The following TXNRD2 variants were observed in gnomAD, a reference collection of about 807,000 sequenced individuals.
TXNRD2 encodes the protein thioredoxin reductase 2, mitochondrial.
A neutral mutation model predicts 70.8 loss-of-function variants in TXNRD2; 67 were observed. The observed-to-expected ratio is 0.95, with a 90% CI of 0.78 to 1.16. The LOEUF (loss-of-function observed/expected upper bound fraction) is 1.16. Ranked by LOEUF, TXNRD2 falls within the 50% of genes most tolerant of loss-of-function variation. The pLI is 0.00. For synonymous variants in TXNRD2, 301 were observed against 295.8 expected, an observed-to-expected ratio of 1.02 and a Z score of -0.18; for missense variants, 644 against 719.9, an observed-to-expected ratio of 0.89 and a Z score of 1.21.
intron 8 of TXNRD2, among the ~76,000 whole-genome samples, chr22:19,905,492 C>G (rs1037364419): frequency 6.6e-6 from 1 of 152,274 alleles, no homozygotes; most frequent in East Asian, 1.9e-4. Flanking sequence ...ACAGCAAGGC[C>G]AGGGCACCCA....
chr22:19,898,965 C>G, intron 9 of TXNRD2, 84 bp downstream of exon 9: 4 of 1,565,262 alleles, frequency 2.6e-6, no homozygotes, highest in Non-Finnish European at 3.5e-6. Flanking sequence ...AAAGAGCCTG[C>G]CGGAAGGGCG....
intron 9 of TXNRD2, 150 bp from the exon 10 acceptor site, chr22:19,898,280 C>T: frequency 4.0e-6 from 3 of 753,772 alleles, no homozygotes; most frequent in Non-Finnish European, 6.8e-6. Flanking sequence ...CTCCACATCT[C>T]AAGTGCACAG....
At chr22:19,925,200 C>T (rs1221167488) in intron 2 of TXNRD2, among the ~76,000 whole-genome samples, 5 of 151,802 alleles carry the variant, frequency 3.3e-5, no homozygotes, top group African/African-American at 4.9e-5. Flanking sequence ...AGGAGAATGG[C>T]GCAAACCCGG....
chr22:19,879,792 A>G (rs748114539), intron 14 of TXNRD2, among the ~76,000 whole-genome samples: 19 of 152,044 alleles, frequency 1.2e-4, no homozygotes, highest in Non-Finnish European at 1.5e-4. Flanking sequence ...AGCTGACCTC[A>G]GCAGGGGAGC....
chr22:19,901,294 C>T (rs1939767864), intron 8 of TXNRD2, among the ~76,000 whole-genome samples: 3 of 152,202 alleles, frequency 2.0e-5, no homozygotes, highest in South Asian at 4.1e-4. Flanking sequence ...GAGAAGCTCC[C>T]GCCTCAAGGG....
chr22:19,899,449 C>T (rs1392488724), intron 8 of TXNRD2, among the ~76,000 whole-genome samples: 1 of 152,228 alleles, frequency 6.6e-6, no homozygotes, highest in Admixed American at 6.5e-5. Flanking sequence ...CACCAGACCG[C>T]AAGGGAAGAC....
intron 8 of TXNRD2, among the ~76,000 whole-genome samples, chr22:19,907,260 TGGGTA>T (rs1940085645): frequency 1.9e-5 from 1 of 51,846 alleles, no homozygotes; most frequent in African/African-American, 8.0e-5. Flanking sequence ...GTGGGCGCCG[TGGGTA>T]GCAGTGACCG....
chr22:19,890,993 G>A (rs952267328), intron 11 of TXNRD2, among the ~76,000 whole-genome samples: 2 of 152,168 alleles, frequency 1.3e-5, no homozygotes, highest in African/African-American at 2.4e-5. Context: ...CGTGCCACGT[G>A]GGGGAGACTA....
intron 11 of TXNRD2, among the ~76,000 whole-genome samples, chr22:19,890,564 C>T (rs1477988860): frequency 1.3e-5 from 2 of 152,070 alleles, no homozygotes; most frequent in African/African-American, 4.8e-5. Flanking sequence ...ATGGGCCCAC[C>T]GCAGCCCCCT....
intron 9 of TXNRD2, 96 bp downstream of exon 9, chr22:19,898,953 G>T: frequency 6.6e-7 from 1 of 1,516,706 alleles, no homozygotes; most frequent in Non-Finnish European, 9.0e-7. Flanking sequence ...ATCTGAGGCA[G>T]CAAAGAGCCT....
rs1365075308 is a variant in TXNRD2, at chr22:19,887,667, A to AC, written c.950-4207dup. 2.6e-5 allele frequency: 4 copies of AC among 152,206 alleles called. No homozygotes were observed. The East Asian group carries it at 7.7e-4, about 29-fold the overall frequency. 9.4% of individuals were successfully genotyped at this position (152,206 alleles called of 1,614,324 possible). On this transcript the variant is annotated intron_variant, in intron 11 of 17. Coordinates refer to ENST00000400521, the MANE Select transcript of TXNRD2 (RefSeq NM_006440.5). ...GGCCTTTGAGAACTACACCGCAGTC[A>AC]CCTCCCCTAGCCCGGAAACCAGGAA...
At chr22:19,904,772 A>G (rs950511806) in intron 8 of TXNRD2, among the ~76,000 whole-genome samples, 1 of 152,144 alleles carries the variant, frequency 6.6e-6, no homozygotes, top group Non-Finnish European at 1.5e-5. Context: ...TGCCCACTGC[A>G]GGAGGGGCAC....
chr22:19,890,316 G>A (rs951383917), intron 11 of TXNRD2, among the ~76,000 whole-genome samples: 1 of 152,206 alleles, frequency 6.6e-6, no homozygotes, highest in Non-Finnish European at 1.5e-5. Context: ...AGGCAGATTT[G>A]GGTCTCTCTT....
intron 11 of TXNRD2, chr22:19,894,044 A>G (rs1267756881): frequency 6.6e-6 from 1 of 152,306 alleles, no homozygotes; most frequent in Admixed American, 6.5e-5. Flanking sequence ...ATGGACACAC[A>G]TACAACTCAG....
intron 3 of TXNRD2, among the ~76,000 whole-genome samples, chr22:19,919,342 C>G (rs1034515671): frequency 6.7e-6 from 1 of 149,680 alleles, no homozygotes; most frequent in Non-Finnish European, 1.5e-5. Flanking sequence ...TGAGTACAGG[C>G]GTGAGCAACT....
In TXNRD2 at chr22:19,932,502, TGGAG is replaced by T. The variant is rs1029200164; in HGVS notation, c.104-1408_104-1405del. 8 of 1,583,088 alleles carry T rather than the reference TGGAG, an allele frequency of 5.1e-6. No individual in the cohort carries two copies. The African/African-American group carries it at 9.4e-5, about 19-fold the overall frequency. On this transcript the variant is annotated intron_variant, in intron 1 of 17. Coordinates refer to ENST00000400521, the MANE Select transcript of TXNRD2 (RefSeq NM_006440.5). Reference sequence around the variant, plus strand: ...AAAAAGGGAGGGATGGAGAAGGGACTGGAGGGAGGAAGTAGAGAGGGGAAGTACA... The same window carrying T: ...AAAAAGGGAGGGATGGAGAAGGGACTGGAGGAAGTAGAGAGGGGAAGTACA...
chr22:19,934,390 A>AAAAAC (rs1941470212), intron 1 of TXNRD2, among the ~76,000 whole-genome samples: 1 of 150,926 alleles, frequency 6.6e-6, no homozygotes, highest in Non-Finnish European at 1.5e-5. Context: ...CAGAAAAAAA[A>AAAAAC]AAAAAAAAAA....
intron 2 of TXNRD2, among the ~76,000 whole-genome samples, chr22:19,923,456 C>A (rs1940993026): frequency 1.3e-5 from 2 of 152,220 alleles, no homozygotes; most frequent in Admixed American, 1.3e-4. Flanking sequence ...GCTGTATCAG[C>A]CTTGAACTCG....
intron 5 of TXNRD2, among the ~76,000 whole-genome samples, chr22:19,917,594 C>T (rs145701783): frequency 0.011 from 1,676 of 152,272 alleles, 20 homozygotes; most frequent in Middle Eastern, 0.02. Flanking sequence ...GTGCTGGCAG[C>T]TGAGCCCCAG....
Sources: gnomAD v4.1 joint callset for allele counts (sites outside exome capture counted in the v4.1 genomes callset) on GRCh38, gnomAD v4.1.1 for gene constraint, MANE v1.5 for transcripts, NCBI Gene and HGNC (gene_info 2026-07-23, HGNC 2026-07-21) for gene names.